KCNH1: variants seen among roughly 807,000 people sequenced by gnomAD.
The protein encoded by KCNH1 is voltage-gated delayed rectifier potassium channel KCNH1.
Under a neutral mutation model 69.2 loss-of-function variants are expected in KCNH1, and 27 were observed. The observed-to-expected ratio is 0.39, with a 90% CI of 0.29 to 0.54. KCNH1 has a LOEUF of 0.54. KCNH1 is among the 20% of genes least tolerant of loss of function. The probability of loss-of-function intolerance (pLI) is 0.68; values close to 1 mark genes in which losing one functional copy is unlikely to be tolerated. For synonymous variants in KCNH1, 456 were observed against 487.7 expected (o/e 0.93, Z 0.86); for missense variants, 798 against 1,261.6 (o/e 0.63, Z 5.57).
At chr1:210,994,832 A>G (rs997378584) in intron 6 of KCNH1, among the ~76,000 whole-genome samples, 19 of 152,192 alleles carry the variant, frequency 1.2e-4, no homozygotes, top group Admixed American at 1.0e-3. Flanking sequence ...TCCCACCCCA[A>G]GATGACTGTT....
chr1:210,823,078 G>C (rs551448581), intron 7 of KCNH1, among the ~76,000 whole-genome samples: 2 of 152,122 alleles, frequency 1.3e-5, no homozygotes, highest in Non-Finnish European at 2.9e-5. Context: ...ATTCCTCTCT[G>C]TGTGAGCTGC....
chr1:210,932,868 T>G (rs1259043529), intron 6 of KCNH1, among the ~76,000 whole-genome samples: 1 of 152,136 alleles, frequency 6.6e-6, no homozygotes, highest in South Asian at 2.1e-4. Flanking sequence ...AAGCAAATAT[T>G]ATTAGATCTA....
chr1:210,753,711 T>C (rs1471588851), intron 10 of KCNH1, among the ~76,000 whole-genome samples: 1 of 152,182 alleles, frequency 6.6e-6, no homozygotes, highest in Non-Finnish European at 1.5e-5. Flanking sequence ...CTCAGTGCAT[T>C]ACATGTACTT....
chr1:211,040,264 C>T (rs1419963194), intron 5 of KCNH1, among the ~76,000 whole-genome samples: 1 of 151,514 alleles, frequency 6.6e-6, no homozygotes, highest in East Asian at 1.9e-4. Context: ...GGACATGAGA[C>T]TTGGAGCGGC....
At chr1:210,996,345 C>A (rs567977825) in intron 6 of KCNH1, among the ~76,000 whole-genome samples, 1 of 152,212 alleles carries the variant, frequency 6.6e-6, no homozygotes. Context: ...TATCCGGCAC[C>A]TGGTTCGGAG....
intron 10 of KCNH1, among the ~76,000 whole-genome samples, chr1:210,713,950 A>C (rs1402623570): frequency 6.6e-6 from 1 of 152,128 alleles, no homozygotes; most frequent in Non-Finnish European, 1.5e-5. Context: ...GGGTTCACAT[A>C]TTATCCTGTC....
In KCNH1 at chr1:211,002,870, G is replaced by C. The variant is rs114576401; in HGVS notation, c.1032+15913C>G. 7.2e-4 allele frequency among the ~76,000 whole-genome samples: 109 copies of C among 152,256 alleles called. 1 individual carries two copies. Among genetic ancestry groups the C allele is most frequent in the Middle Eastern group, 3.4e-3 (1 of 294 alleles). On this transcript the variant is annotated intron_variant, in intron 6 of 10. Coordinates refer to ENST00000271751, the MANE Select transcript of KCNH1 (RefSeq NM_172362.3). ...ACCGGGGTGTCCTTGGAATTCCGGA[G>C]CAAAGAGAATGTCAAGTTATAAGGA...
intron 1 of KCNH1, among the ~76,000 whole-genome samples, chr1:211,130,913 G>A (rs772308250): frequency 5.9e-5 from 9 of 152,128 alleles, no homozygotes; most frequent in Non-Finnish European, 1.0e-4. Flanking sequence ...CTATTATTCT[G>A]TTGAGATGTG....
At chr1:210,900,777 T>C (rs1457846674) in intron 7 of KCNH1, among the ~76,000 whole-genome samples, 1 of 152,308 alleles carries the variant, frequency 6.6e-6, no homozygotes, top group Admixed American at 6.5e-5. Flanking sequence ...AATAGGGTTC[T>C]CCTCACTGAC....
At chr1:211,029,975 T>A (rs1196116179) in intron 5 of KCNH1, among the ~76,000 whole-genome samples, 2 of 152,148 alleles carry the variant, frequency 1.3e-5, no homozygotes, top group South Asian at 4.1e-4. Flanking sequence ...CGTGCAGGAT[T>A]TGAATGCTGA....
intron 9 of KCNH1, among the ~76,000 whole-genome samples, chr1:210,781,255 A>T (rs1464008300): frequency 6.6e-6 from 1 of 152,144 alleles, no homozygotes; most frequent in Admixed American, 6.5e-5. Flanking sequence ...CAGCTTGTTG[A>T]GTGAGTAGCT....
rs769624582 is a variant in KCNH1 at position 210,684,169 on chromosome 1, C to T, written c.2113-31G>A. 27 of 1,486,926 alleles carry T rather than the reference C, an allele frequency of 1.8e-5. 1 individual carries two copies. Among genetic ancestry groups the T allele is most frequent in the African/African-American group, 5.6e-5 (4 of 71,320 alleles). 92.1% of individuals were successfully genotyped at this position (1,486,926 alleles called of 1,614,324 possible). ...GAGAGAGAGAGAGAGAATGACATGGCGTGTTAGCCACATGCTGGCTGCAGC... is the reference window on the plus strand; with the variant it reads ...GAGAGAGAGAGAGAGAATGACATGGTGTGTTAGCCACATGCTGGCTGCAGC... On this transcript the variant is annotated intron_variant, in intron 10 of 10. Transcript: ENST00000271751.
At chr1:210,966,115 C>G (rs1688395027) in intron 6 of KCNH1, among the ~76,000 whole-genome samples, 3 of 151,982 alleles carry the variant, frequency 2.0e-5, no homozygotes, top group Admixed American at 2.0e-4. Context: ...ACAAACCTGA[C>G]AAAAACAAGA....
At chr1:210,985,460 T>C (rs921785705) in intron 6 of KCNH1, among the ~76,000 whole-genome samples, 6 of 152,156 alleles carry the variant, frequency 3.9e-5, no homozygotes, top group Admixed American at 3.3e-4. Flanking sequence ...TTGAACGTGT[T>C]CCAGAGATTC....
chr1:210,870,973 T>G (rs1172632010), intron 7 of KCNH1, among the ~76,000 whole-genome samples: 1 of 152,200 alleles, frequency 6.6e-6, no homozygotes, highest in East Asian at 1.9e-4. Flanking sequence ...ACTCTGAGTT[T>G]GTTTCCATAC....
At chr1:211,040,237 T>C (rs1407216213) in intron 5 of KCNH1, among the ~76,000 whole-genome samples, 1 of 150,026 alleles carries the variant, frequency 6.7e-6, no homozygotes, top group Admixed American at 6.6e-5. Flanking sequence ...GAAGGCATGA[T>C]TGGTTTTGAA....
intron 1 of KCNH1, among the ~76,000 whole-genome samples, chr1:211,117,498 G>A (rs1691602799): frequency 6.6e-6 from 1 of 152,140 alleles, no homozygotes; most frequent in Non-Finnish European, 1.5e-5. Flanking sequence ...CTACAGGAGA[G>A]GCCATAAGGA....
At chr1:210,758,712 A>C (rs189918411) in intron 10 of KCNH1, among the ~76,000 whole-genome samples, 6 of 152,046 alleles carry the variant, frequency 3.9e-5, no homozygotes, top group Admixed American at 1.3e-4. Flanking sequence ...CCTTCCACCA[A>C]CCTCCTCAGT....
chr1:211,003,275 G>C (rs775718280), intron 6 of KCNH1, among the ~76,000 whole-genome samples: 9 of 152,168 alleles, frequency 5.9e-5, no homozygotes, highest in Non-Finnish European at 1.3e-4. Flanking sequence ...AGAACTAAAA[G>C]AAGTTTGGAA....
Sources: gnomAD v4.1 joint callset for allele counts (sites outside exome capture counted in the v4.1 genomes callset) on GRCh38, gnomAD v4.1.1 for gene constraint, MANE v1.5 for transcripts, NCBI Gene and HGNC (gene_info 2026-07-23, HGNC 2026-07-21) for gene names.